SPANXN2: variants seen among roughly 807,000 people sequenced by gnomAD.
The protein encoded by SPANXN2 is sperm protein associated with the nucleus on the X chromosome N2.
Under a neutral mutation model 2.0 loss-of-function variants are expected in SPANXN2, and 1 was observed. The observed-to-expected ratio is 0.50, with a 90% confidence interval of 0.18 to 2.36. SPANXN2 has a LOEUF of 2.36. Ranked by LOEUF, SPANXN2 falls within the 30% of genes most tolerant of loss-of-function variation. The pLI, the probability that SPANXN2 is intolerant of heterozygous loss-of-function variation, is 0.26. For synonymous variants in SPANXN2, 43 were observed against 49.8 expected (o/e 0.86, Z 0.58); for missense variants, 88 against 116.7 (o/e 0.75, Z 1.13).
intron 1 of SPANXN2, among the ~76,000 whole-genome samples, chrX:143,714,397 C>T (rs1270291078): frequency 2.7e-5 from 3 of 111,398 alleles, no homozygotes; most frequent in Non-Finnish European, 3.8e-5. Flanking sequence ...TATATGTCAT[C>T]CTCTCCTCTA....
chrX:143,714,211 C>A (rs1190980961), intron 1 of SPANXN2, among the ~76,000 whole-genome samples: 1 of 111,007 alleles, frequency 9.0e-6, no homozygotes, highest in Non-Finnish European at 1.9e-5. Context: ...CTTCCAAAGT[C>A]CTTCCCTTGC....
intron 1 of SPANXN2, among the ~76,000 whole-genome samples, chrX:143,719,196 A>C (rs1431186624): frequency 1.5e-4 from 17 of 110,713 alleles, no homozygotes; most frequent in African/African-American, 5.6e-4. Flanking sequence ...TAGCCTCTTA[A>C]CTAAACATGT....
At chrX:143,717,467 G>A (rs782184017) in intron 1 of SPANXN2, among the ~76,000 whole-genome samples, 1 of 110,761 alleles carries the variant, frequency 9.0e-6, no homozygotes, top group Non-Finnish European at 1.9e-5. Flanking sequence ...AAACCCCATC[G>A]TTATTGCTCA....
At chrX:143,715,124 G>A (rs371799455) in intron 1 of SPANXN2, among the ~76,000 whole-genome samples, 102 of 111,446 alleles carry the variant, frequency 9.2e-4, no homozygotes, top group African/African-American at 2.9e-3. Context: ...GGTGGGGCCT[G>A]GAGTCCACCG....
At chrX:143,714,246 T>C (rs1556449102) in intron 1 of SPANXN2, among the ~76,000 whole-genome samples, 3 of 111,448 alleles carry the variant, frequency 2.7e-5, no homozygotes, top group African/African-American at 9.8e-5. Flanking sequence ...GCTAAAGGCA[T>C]AATCTGAATT....
chrX:143,720,650 T>G, exon 1 of SPANXN2: 1 of 1,211,546 alleles, frequency 8.3e-7, no homozygotes, highest in Non-Finnish European at 1.1e-6. Context: ...CCATTGGTGC[T>G]TGAAGTCGGC....
intron 1 of SPANXN2, among the ~76,000 whole-genome samples, chrX:143,714,846 C>G (rs1247812047): frequency 9.0e-6 from 1 of 111,602 alleles, no homozygotes; most frequent in South Asian, 3.8e-4. Flanking sequence ...CTAAAAAATC[C>G]AAACCTAAAG....
Position 143,719,258 on chromosome X carries a change from G to A in SPANXN2, c.78+1333C>T, listed in dbSNP as rs782297417. 4.5e-5 allele frequency among the ~76,000 whole-genome samples: 5 copies of A among 110,679 alleles called. No individual in the cohort carries two copies. In the South Asian group the frequency reaches 1.6e-3, roughly 35 times the overall value. On this transcript the variant is annotated intron_variant, in intron 1 of 1. Transcript: ENST00000598475. ...CTTATCAACCCCTCCCCTTTCTGCC[G>A]GAGCCGCTCTCCATGTATCCAAGTC...
chrX:143,713,568 G>T (rs1556448935), intron 1 of SPANXN2, among the ~76,000 whole-genome samples: 2 of 111,399 alleles, frequency 1.8e-5, no homozygotes, highest in African/African-American at 3.3e-5. Flanking sequence ...CAAAACGTTT[G>T]CCACTCTGGC....
intron 1 of SPANXN2, among the ~76,000 whole-genome samples, chrX:143,718,412 G>GA (rs781932233): frequency 4.8e-4 from 53 of 111,226 alleles, no homozygotes; most frequent in Non-Finnish European, 8.9e-4. Flanking sequence ...CAACCAGCGG[G>GA]CTGGGTCTGA....
intron 1 of SPANXN2, among the ~76,000 whole-genome samples, chrX:143,718,296 T>C (rs1556450223): frequency 9.0e-6 from 1 of 111,299 alleles, no homozygotes; most frequent in Admixed American, 9.5e-5. Context: ...CTATATGGAA[T>C]ACTTGGCCGG....
chrX:143,719,272 T>C (rs1932319793), intron 1 of SPANXN2, among the ~76,000 whole-genome samples: 3 of 111,162 alleles, frequency 2.7e-5, no homozygotes, highest in Admixed American at 1.9e-4. Context: ...CCGCTCTCCA[T>C]GTATCCAAGT....
intron 1 of SPANXN2, among the ~76,000 whole-genome samples, chrX:143,714,221 C>A (rs184588870): frequency 3.1e-4 from 35 of 111,165 alleles, no homozygotes; most frequent in Non-Finnish European, 5.7e-4. Flanking sequence ...CCTTCCCTTG[C>A]AGGAGGTTGC....
chrX:143,715,364 C>G (rs4593693), intron 1 of SPANXN2, among the ~76,000 whole-genome samples: 42,504 of 109,325 alleles, frequency 0.39, 6,228 homozygotes, highest in East Asian at 0.61. Context: ...TTCACCCACT[C>G]TTTCCTGGTT....
Position 143,720,433 on chromosome X carries a change from T to C in SPANXN2, c.78+158A>G, listed in dbSNP as rs851094. On this transcript the variant is annotated intron_variant, in intron 1 of 1. Coordinates refer to ENST00000598475, the Ensembl canonical transcript of SPANXN2. ...CCCCGGCCCCTCCCACCCATACCTATAAGCACCCCAGCCTGTAAGCGGCGG... is the reference window on the plus strand; with the variant it reads ...CCCCGGCCCCTCCCACCCATACCTACAAGCACCCCAGCCTGTAAGCGGCGG... Among the ~76,000 whole-genome samples, 39,233 of 85,484 alleles carry C rather than the reference T, an allele frequency of 0.46. 9,390 individuals carry two copies. Among genetic ancestry groups the C allele is most frequent in the East Asian group, 0.71 (1,334 of 1,887 alleles). 74.2% of individuals were successfully genotyped at this position (85,484 alleles called of 115,157 possible).
intron 1 of SPANXN2, among the ~76,000 whole-genome samples, chrX:143,719,151 C>A (rs782621460): frequency 9.0e-6 from 1 of 111,003 alleles, no homozygotes; most frequent in Admixed American, 9.6e-5. Flanking sequence ...CCACCCACAC[C>A]GTCACACACA....
intron 1 of SPANXN2, among the ~76,000 whole-genome samples, chrX:143,716,146 T>G (rs1556449687): frequency 9.0e-6 from 1 of 110,868 alleles, no homozygotes; most frequent in African/African-American, 3.3e-5. Flanking sequence ...AATGACCTCC[T>G]TCTCTGTAGC....
intron 1 of SPANXN2, among the ~76,000 whole-genome samples, chrX:143,719,873 T>A (rs1238705192): frequency 2.2e-4 from 24 of 109,734 alleles, no homozygotes; most frequent in Non-Finnish European, 2.9e-4. Context: ...GATAGTACAT[T>A]TGGCCGATGT....
intron 1 of SPANXN2, among the ~76,000 whole-genome samples, chrX:143,716,190 C>G (rs1932260382): frequency 9.0e-6 from 1 of 110,909 alleles, no homozygotes; most frequent in African/African-American, 3.3e-5. Context: ...ACACACCACT[C>G]AGGTTTTAAA....
Sources: gnomAD v4.1 joint callset for allele counts (sites outside exome capture counted in the v4.1 genomes callset) on GRCh38, gnomAD v4.1.1 for gene constraint, MANE v1.5 for transcripts, NCBI Gene and HGNC (gene_info 2026-07-23, HGNC 2026-07-21) for gene names.